Variants in NLK observed in about 807,000 individuals in gnomAD.
The protein encoded by NLK is nemo like kinase.
In NLK, 11 loss-of-function variants were observed where a neutral mutation model predicts 59.0. The observed-to-expected ratio is 0.19, with a 90% CI of 0.12 to 0.31. NLK has a LOEUF of 0.31. NLK is among the 10% of genes least tolerant of loss of function. The probability of loss-of-function intolerance (pLI) is 1.00; values close to 1 mark genes in which losing one functional copy is unlikely to be tolerated. For missense variants in NLK, 410 were observed against 661.1 expected (o/e 0.62, Z 4.16); for synonymous variants, 235 against 235.9 (o/e 1.00, Z 0.03).
chr17:28,075,703 A>C (rs762969491), intron 1 of NLK, among the ~76,000 whole-genome samples: 5 of 152,268 alleles, frequency 3.3e-5, no homozygotes, highest in Admixed American at 3.3e-4. Flanking sequence ...CTCCTCAGTT[A>C]AGGGATGTAG....
In NLK at chr17:28,194,576, T is replaced by C; in HGVS notation, c.1530-6T>C. ...AACTAATTTCTCCATCTCTGTTTTC[T>C]TCCAGTTCCACTGTTGCTCAGCCAT... On this transcript the variant is annotated splice_polypyrimidine_tract_variant and splice_region_variant and intron_variant, in intron 10 of 10. Coordinates refer to ENST00000407008, the MANE Select transcript of NLK (RefSeq NM_016231.5). The C allele has an allele frequency of 9.4e-6, 15 of 1,592,422 alleles. No individual in the cohort carries two copies. Among genetic ancestry groups the C allele is most frequent in the Non-Finnish European group, 1.3e-5 (15 of 1,163,514 alleles).
intron 3 of NLK, among the ~76,000 whole-genome samples, chr17:28,138,315 A>C (rs796826874): frequency 5.3e-4 from 81 of 152,332 alleles, no homozygotes; most frequent in African/African-American, 1.7e-3. Context: ...AAGCAATTAC[A>C]TTCTAAACTC....
intron 1 of NLK, among the ~76,000 whole-genome samples, chr17:28,094,683 A>G (rs1157824310): frequency 1.3e-5 from 2 of 152,210 alleles, no homozygotes; most frequent in Non-Finnish European, 2.9e-5. Context: ...ACAAAAGCTA[A>G]TATTTTTATA....
chr17:28,081,199 TTTGTTTTTG>T (rs1205501000), intron 1 of NLK, among the ~76,000 whole-genome samples: 1 of 151,736 alleles, frequency 6.6e-6, no homozygotes, highest in Non-Finnish European at 1.5e-5. Context: ...CTAGACCTGG[TTTGTTTTTG>T]TTGTTTTTGA....
intron 1 of NLK, among the ~76,000 whole-genome samples, chr17:28,082,017 C>T (rs866238391): frequency 1.3e-5 from 2 of 152,174 alleles, no homozygotes; most frequent in South Asian, 4.1e-4. Flanking sequence ...CCTCATCCTC[C>T]CGAGTAGCTC....
rs139232621 is a variant in NLK, at chr17:28,121,405, G to C, written c.459-1198G>C. Among the ~76,000 whole-genome samples the C allele has an allele frequency of 5.9e-3, 856 of 145,028 alleles. 6 individuals are homozygous for C. Among genetic ancestry groups the C allele is most frequent in the African/African-American group, 0.02 (807 of 39,678 alleles). On this transcript the variant is annotated intron_variant, in intron 1 of 10. Transcript: ENST00000407008. The stretch of plus-strand genomic sequence containing the variant: ...GTAGAAGGGGGGAAAAAAAAAAAAA[G>C]CTCTAGGTTAATTCATGGAAAGTCA...
rs1909420574 is a variant in NLK, at chr17:28,194,615, A to G, written c.1563A>G (p.Pro521=). Residue 521 remains proline, a synonymous_variant, in exon 11 of 11, where the codon CCA becomes CCG. Transcript: ENST00000407008. ...STVAQPSEMP[P]SPLVWE is the part of the protein sequence containing the mutation. ...TTGCTCAGCCATCTGAGATGCCCCC[A>G]TCTCCTCTGGTGTGGGAGTGATGGT... The G allele has an allele frequency of 6.3e-7, 1 of 1,598,834 alleles. No homozygotes were observed.
intron 3 of NLK, among the ~76,000 whole-genome samples, chr17:28,133,457 T>C (rs1439772389): frequency 6.6e-6 from 1 of 152,174 alleles, no homozygotes; most frequent in African/African-American, 2.4e-5. Context: ...TGTTTAAAAA[T>C]AGTATGTTAG....
chr17:28,112,118 G>T (rs866301344), intron 1 of NLK, among the ~76,000 whole-genome samples: 3 of 152,196 alleles, frequency 2.0e-5, no homozygotes, highest in Middle Eastern at 6.8e-3. Flanking sequence ...AGCCAGGACT[G>T]TGTGGGGGAG....
intron 1 of NLK, among the ~76,000 whole-genome samples, chr17:28,066,206 C>G (rs1457844310): frequency 6.6e-6 from 1 of 152,228 alleles, no homozygotes; most frequent in African/African-American, 2.4e-5. Context: ...ATTCAACCCT[C>G]ATCCTCTAGA....
intron 1 of NLK, among the ~76,000 whole-genome samples, chr17:28,076,350 A>G (rs1181396184): frequency 1.3e-5 from 2 of 152,172 alleles, no homozygotes; most frequent in Non-Finnish European, 2.9e-5. Flanking sequence ...TAGATGATAC[A>G]TTCTCAATGT....
chr17:28,184,376 C>A (rs911435199), intron 7 of NLK, among the ~76,000 whole-genome samples: 1 of 152,184 alleles, frequency 6.6e-6, no homozygotes, highest in Non-Finnish European at 1.5e-5. Context: ...GTTTGATTAT[C>A]ATTCTTGCCA....
intron 1 of NLK, among the ~76,000 whole-genome samples, chr17:28,057,803 T>TTCA (rs1278997239): frequency 6.6e-6 from 1 of 152,220 alleles, no homozygotes; most frequent in Non-Finnish European, 1.5e-5. Flanking sequence ...TAAACTCATT[T>TTCA]TCAGTAAATG....
At position 28,191,172 on chromosome 17, in the gene NLK, T is replaced by A; in HGVS notation, c.1388T>A (p.Phe463Tyr). The A allele has an allele frequency of 6.2e-7, 1 of 1,613,254 alleles. No individual in the cohort carries two copies. The highest frequency in any genetic ancestry group is 8.5e-7 in the Non-Finnish European group (1 of 1,179,668). ...TTTGAGCCTGTCACCAATCCCAAAT[T>A]TGATGACACTTTCGAGAAGAACCTC... ...SDFEPVTNPK[F>Y]DDTFEKNLSS... The change falls in exon 9 of 11, where the codon TTT becomes TAT. Residue 463 changes from phenylalanine (F) to tyrosine (Y), a missense_variant. By Grantham distance (22) the Phe-to-Tyr change is conservative (BLOSUM62 3). Around this residue, in one of 5 missense-constraint regions of NLK, gnomAD observed 150 missense variants for 244.3 expected, o/e 0.61. Coordinates refer to ENST00000407008, the MANE Select transcript of NLK (RefSeq NM_016231.5).
chr17:28,074,413 T>C (rs768086586), intron 1 of NLK, among the ~76,000 whole-genome samples: 10 of 152,152 alleles, frequency 6.6e-5, no homozygotes, highest in Non-Finnish European at 1.2e-4. Flanking sequence ...TTTTAAAAAA[T>C]TTTTTTAAAT....
At chr17:28,118,072 C>T (rs541429923) in intron 1 of NLK, among the ~76,000 whole-genome samples, 1 of 152,212 alleles carries the variant, frequency 6.6e-6, no homozygotes, top group South Asian at 2.1e-4. Context: ...GGATACATTT[C>T]CTAGACTTGT....
At chr17:28,203,539 C>T in the NLK span, among the ~76,000 whole-genome samples, 4 of 151,840 alleles carry the variant, frequency 2.6e-5, no homozygotes, top group Admixed American at 2.0e-4. Flanking sequence ...ATCTTTCTTT[C>T]TTTTTTTTAT....
intron 1 of NLK, among the ~76,000 whole-genome samples, chr17:28,113,219 C>G (rs1210763651): frequency 6.6e-6 from 1 of 152,156 alleles, no homozygotes; most frequent in Non-Finnish European, 1.5e-5. Flanking sequence ...GTGCACACCT[C>G]TATGACCACC....
intron 1 of NLK, among the ~76,000 whole-genome samples, chr17:28,081,430 G>A (rs1415439259): frequency 6.6e-6 from 1 of 151,962 alleles, no homozygotes; most frequent in East Asian, 1.9e-4. Flanking sequence ...ATGAATAGGC[G>A]ATAATGGTTG....
Sources: gnomAD v4.1 joint callset for allele counts (sites outside exome capture counted in the v4.1 genomes callset) on GRCh38, gnomAD v4.1.1 for gene constraint, gnomAD v4.1.1 regional missense constraint, MANE v1.5 for transcripts, NCBI Gene and HGNC (gene_info 2026-07-23, HGNC 2026-07-21) for gene names.